The following GPHN variants were observed in gnomAD, a reference collection of about 807,000 sequenced individuals.
GPHN encodes the protein gephyrin.
GPHN carries 17 observed loss-of-function variants against 95.5 expected under a neutral mutation model. The ratio of observed to expected loss-of-function variants is 0.18; its 90% CI spans 0.12 to 0.27. GPHN has a LOEUF of 0.27. GPHN is among the 10% of genes least tolerant of loss of function. The probability of loss-of-function intolerance (pLI) is 1.00; values close to 1 mark genes in which losing one functional copy is unlikely to be tolerated. For missense variants in GPHN, 660 were observed against 978.1 expected (o/e 0.67, Z 4.34); for synonymous variants, 320 against 322.5 (o/e 0.99, Z 0.08).
chr14:66,992,227 TAAAC>T (rs946802609), intron 9 of GPHN, among the ~76,000 whole-genome samples: 1 of 152,096 alleles, frequency 6.6e-6, no homozygotes, highest in Non-Finnish European at 1.5e-5. Flanking sequence ...AGGGCTATGA[TAAAC>T]AAAAAGGAAT....
chr14:66,963,732 A>C (rs1217898094), intron 8 of GPHN, among the ~76,000 whole-genome samples: 4 of 152,136 alleles, frequency 2.6e-5, no homozygotes, highest in Non-Finnish European at 5.9e-5. Context: ...ACTGCTTTTC[A>C]TACTATTTAT....
At chr14:66,534,602 A>T (rs1001104516) in intron 1 of GPHN, among the ~76,000 whole-genome samples, 3 of 152,112 alleles carry the variant, frequency 2.0e-5, no homozygotes, top group African/African-American at 7.2e-5. Context: ...TTTCATTTTT[A>T]AGAGTATAAT....
At chr14:67,638,779 T>C in the GPHN span, among the ~76,000 whole-genome samples, 15 of 152,292 alleles carry the variant, frequency 9.8e-5, no homozygotes, top group East Asian at 5.8e-4. Context: ...GGTTGCTGAG[T>C]GCATAGCTCA....
intron 3 of GPHN, among the ~76,000 whole-genome samples, chr14:66,783,359 G>A (rs563538861): frequency 6.6e-6 from 1 of 152,094 alleles, no homozygotes; most frequent in African/African-American, 2.4e-5. Flanking sequence ...TCCTGGCTAT[G>A]ATATTAAAGT....
intron 9 of GPHN, among the ~76,000 whole-genome samples, chr14:66,984,270 G>A (rs545477118): frequency 7.2e-5 from 11 of 152,122 alleles, no homozygotes; most frequent in Non-Finnish European, 1.2e-4. Flanking sequence ...AAAGAAAACA[G>A]CACAAGAGGA....
intron 2 of GPHN, among the ~76,000 whole-genome samples, chr14:66,756,219 A>C (rs2058550177): frequency 6.6e-6 from 1 of 152,220 alleles, no homozygotes; most frequent in African/African-American, 2.4e-5. Flanking sequence ...AATAAATATG[A>C]ATATTCATTG....
chr14:67,674,191 G>A, the GPHN span, among the ~76,000 whole-genome samples: 3 of 152,208 alleles, frequency 2.0e-5, no homozygotes, highest in African/African-American at 7.2e-5. Context: ...ACTGAATCCC[G>A]AGGTCCAATT....
chr14:66,843,739 G>C (rs1267753604), intron 4 of GPHN, among the ~76,000 whole-genome samples: 1 of 152,142 alleles, frequency 6.6e-6, no homozygotes, highest in African/African-American at 2.4e-5. Context: ...TAACAGCCCA[G>C]TCCAGTTTGC....
intron 1 of GPHN, among the ~76,000 whole-genome samples, chr14:66,535,449 T>G (rs1321829709): frequency 2.6e-5 from 4 of 152,130 alleles, no homozygotes; most frequent in Non-Finnish European, 1.5e-5. Flanking sequence ...GTGGGTATAC[T>G]CTATCCTTTG....
chr14:66,555,421 C>T (rs894477541), intron 1 of GPHN, among the ~76,000 whole-genome samples: 2 of 152,104 alleles, frequency 1.3e-5, no homozygotes, highest in African/African-American at 4.8e-5. Context: ...TCACATCTAT[C>T]ACAATGTGTG....
At chr14:67,551,687 G>C in the GPHN span, among the ~76,000 whole-genome samples, 1 of 152,100 alleles carries the variant, frequency 6.6e-6, no homozygotes, top group East Asian at 1.9e-4. Context: ...CCAGGAGTTT[G>C]AGACCAGCCT....
At chr14:66,935,811 TTAAAA>T (rs1275180695) in intron 8 of GPHN, among the ~76,000 whole-genome samples, 5 of 152,058 alleles carry the variant, frequency 3.3e-5, no homozygotes, top group African/African-American at 1.2e-4. Flanking sequence ...TTTTGAGATA[TTAAAA>T]TAATTATATT....
the GPHN span, among the ~76,000 whole-genome samples, chr14:67,600,455 G>C: frequency 6.6e-6 from 1 of 152,332 alleles, no homozygotes; most frequent in East Asian, 1.9e-4. Context: ...ATCGTTTTTA[G>C]ACCGGGCGCG....
At chr14:67,013,587 CTT>C (rs1485035011) in intron 9 of GPHN, among the ~76,000 whole-genome samples, 1 of 151,980 alleles carries the variant, frequency 6.6e-6, no homozygotes, top group Admixed American at 6.6e-5. Flanking sequence ...CTCGAAGAAA[CTT>C]TTCTACACAC....
chr14:67,572,188 G>A, the GPHN span: 24 of 1,608,312 alleles, frequency 1.5e-5, no homozygotes, highest in South Asian at 1.7e-4. Context: ...CCCCCCGGAC[G>A]CCTGCTCACT....
intron 9 of GPHN, among the ~76,000 whole-genome samples, chr14:66,987,379 G>A (rs955031746): frequency 1.3e-5 from 2 of 152,080 alleles, no homozygotes; most frequent in East Asian, 1.9e-4. Flanking sequence ...TTGTATGTGC[G>A]AGTGCGCGTG....
Position 66,598,256 on chromosome 14 carries a change from A to G in GPHN, c.65-82851A>G, listed in dbSNP as rs374446634. 3.3e-5 allele frequency among the ~76,000 whole-genome samples: 5 copies of G among 152,172 alleles called. No individual in the cohort carries two copies. In the East Asian group the frequency reaches 5.8e-4, roughly 18 times the overall value. On this transcript the variant is annotated intron_variant, in intron 1 of 22. Transcript: ENST00000478722. ...ATATGTTGTATATTTGAAAATTGCT[A>G]AGACAGTAGATTTTAAGTGTTCGTA...
At chr14:67,566,231 T>C in the GPHN span, among the ~76,000 whole-genome samples, 1 of 152,164 alleles carries the variant, frequency 6.6e-6, no homozygotes. Context: ...CCTGTAAGAC[T>C]GGAGACCCAG....
intron 4 of GPHN, among the ~76,000 whole-genome samples, chr14:66,876,674 A>AC (rs921024051): frequency 2.0e-5 from 3 of 151,690 alleles, no homozygotes; most frequent in Non-Finnish European, 2.9e-5. Flanking sequence ...GGACACATAC[A>AC]CCCCCCCAAG....
Sources: gnomAD v4.1 joint callset for allele counts (sites outside exome capture counted in the v4.1 genomes callset) on GRCh38, gnomAD v4.1.1 for gene constraint, MANE v1.5 for transcripts, NCBI Gene and HGNC (gene_info 2026-07-23, HGNC 2026-07-21) for gene names.